Variants in FGF18 observed in about 807,000 individuals in gnomAD.
FGF18 encodes the protein fibroblast growth factor 18.
In FGF18, 5 loss-of-function variants were observed where a neutral mutation model predicts 23.0. That is an observed-to-expected ratio of 0.22 (90% CI 0.11 to 0.46). FGF18 has a LOEUF of 0.46. Among genes scored for constraint, FGF18 ranks in the 20% least tolerant of loss-of-function variants. FGF18 has a pLI of 0.99. For missense variants in FGF18, 180 were observed against 291.6 expected, an observed-to-expected ratio of 0.62 and a Z score of 2.79; for synonymous variants, 117 against 118.9, an observed-to-expected ratio of 0.98 and a Z score of 0.10.
At position 171,434,759 on chromosome 5, in the gene FGF18, G is replaced by A. The variant is rs1404561416; in HGVS notation, c.70-1334G>A. Among the ~76,000 whole-genome samples, 1 of 151,636 alleles carries A rather than the reference G, an allele frequency of 6.6e-6. No homozygotes were observed. The highest frequency in any genetic ancestry group is 1.5e-5 in the Non-Finnish European group (1 of 67,988). On this transcript the variant is annotated intron_variant, in intron 2 of 4. Transcript: ENST00000274625. The surrounding 1 kb of genome is among the most constrained non-coding windows in gnomAD (Gnocchi z 4.6). The stretch of plus-strand genomic sequence containing the variant: ...AGCGTTTGAGTTTCTACCGTGTTAG[G>A]TGCTGCGGATATAGTGGCAAATGAG...
rs186131502 is a variant in FGF18, at chr5:171,437,165, C to T, written c.250+892C>T. ...AGCCTTGGGCCTGGGGATCTGGGGC[C>T]GTGGTCCTGTGTGTGGGGCCAAACC... On this transcript the variant is annotated intron_variant, in intron 3 of 4. Coordinates refer to ENST00000274625, the MANE Select transcript of FGF18 (RefSeq NM_003862.3). Among the ~76,000 whole-genome samples, 668 of 152,326 alleles carry T rather than the reference C, an allele frequency of 4.4e-3. 5 individuals are homozygous for T. Among genetic ancestry groups the T allele is most frequent in the Admixed American group, 7.2e-3 (110 of 15,300 alleles).
chr5:171,456,359 A>C lies in FGF18; in HGVS notation c.358-180A>C, dbSNP rs1341383737. 6.6e-6 allele frequency among the ~76,000 whole-genome samples: 1 copy of C among 150,960 alleles called. No homozygotes were observed. The highest frequency in any genetic ancestry group is 6.6e-5 in the Admixed American group (1 of 15,142). ...TTTCCACTCTGCTCCTTGGCTATAAACCCCCACCTGCCTGTGCCATATTCA... is the reference window on the plus strand; with the variant it reads ...TTTCCACTCTGCTCCTTGGCTATAACCCCCCACCTGCCTGTGCCATATTCA... On this transcript the variant is annotated intron_variant, in intron 4 of 4. Transcript: ENST00000274625. The surrounding 1 kb of genome is among the most constrained non-coding windows in gnomAD (Gnocchi z 6.1).
chr5:171,443,898 C>A (rs1451775346), intron 3 of FGF18, among the ~76,000 whole-genome samples: 1 of 151,944 alleles, frequency 6.6e-6, no homozygotes, highest in Admixed American at 6.6e-5. Flanking sequence ...GGGAGACAGG[C>A]TCTGTGGGCC....
intron 3 of FGF18, among the ~76,000 whole-genome samples, chr5:171,443,500 C>CTTTTTTTTTT (rs766926286): frequency 0.023 from 1,627 of 70,114 alleles, 358 homozygotes; most frequent in Admixed American, 0.027. Flanking sequence ...CTGTTATCAT[C>CTTTTTTTTTT]ATTTTTTTTT....
intron 2 of FGF18, among the ~76,000 whole-genome samples, chr5:171,423,424 T>C (rs887476958): frequency 4.6e-5 from 7 of 152,348 alleles, no homozygotes; most frequent in African/African-American, 1.7e-4. Flanking sequence ...GGCCGGCACC[T>C]GCCTGACATT....
In FGF18 at chr5:171,445,903, G is replaced by C. The variant is rs149289505; in HGVS notation, c.251-3244G>C. Among the ~76,000 whole-genome samples, 895 of 152,264 alleles carry C rather than the reference G, an allele frequency of 5.9e-3. 9 individuals are homozygous for C. Among genetic ancestry groups the C allele is most frequent in the African/African-American group, 0.021 (859 of 41,544 alleles). ...AGCCCGGATGAGGTTTCCAGCTCTT[G>C]AGAGCAGCATCCTGGGGGCTTGGGT... On this transcript the variant is annotated intron_variant, in intron 3 of 4. Transcript: ENST00000274625.
At chr5:171,420,985 G>A (rs1771996707) in intron 2 of FGF18, among the ~76,000 whole-genome samples, 1 of 152,336 alleles carries the variant, frequency 6.6e-6, no homozygotes, top group South Asian at 2.1e-4. Context: ...TAGGCCGAGT[G>A]GCCGCTGCCC....
rs1402168655 is a variant in FGF18 at position 171,456,364 on chromosome 5, C to T, written c.358-175C>T. On this transcript the variant is annotated intron_variant, in intron 4 of 4. Coordinates refer to ENST00000274625, the MANE Select transcript of FGF18 (RefSeq NM_003862.3). This position sits in a 1 kb window ranked among gnomAD's most constrained non-coding sequence, Gnocchi z 6.1. ...ACTCTGCTCCTTGGCTATAAACCCC[C>T]ACCTGCCTGTGCCATATTCAGAGTT... is the stretch of plus-strand genomic sequence containing the variant. 2.0e-5 allele frequency among the ~76,000 whole-genome samples: 3 copies of T among 152,192 alleles called. No individual in the cohort carries two copies. The highest frequency in any genetic ancestry group is 7.2e-5 in the African/African-American group (3 of 41,448).
Position 171,451,137 on chromosome 5 carries a change from C to T in FGF18, c.357+1884C>T, listed in dbSNP as rs1581280104. Among the ~76,000 whole-genome samples, 2 of 151,438 alleles carry T rather than the reference C, an allele frequency of 1.3e-5. No homozygotes were observed. Among genetic ancestry groups the T allele is most frequent in the Non-Finnish European group, 3.0e-5 (2 of 67,790 alleles). On this transcript the variant is annotated intron_variant, in intron 4 of 4. Transcript: ENST00000274625. This position sits in a 1 kb window ranked among gnomAD's most constrained non-coding sequence, Gnocchi z 4.5. Reference sequence around the variant, plus strand: ...CACAGGAGCCGGCTCCGATTTCCTGCCCCCTCGCCCTCTCTCCCGTCATTA... The same window carrying T: ...CACAGGAGCCGGCTCCGATTTCCTGTCCCCTCGCCCTCTCTCCCGTCATTA...
intron 3 of FGF18, among the ~76,000 whole-genome samples, chr5:171,443,143 T>TTTC (rs1224482753): frequency 1.3e-5 from 2 of 152,120 alleles, no homozygotes; most frequent in Non-Finnish European, 2.9e-5. Flanking sequence ...CACTTTTTTT[T>TTTC]TTTTTAGATG....
chr5:171,452,532 C>A (rs1772532165), intron 4 of FGF18, among the ~76,000 whole-genome samples: 1 of 152,172 alleles, frequency 6.6e-6, no homozygotes, highest in South Asian at 2.1e-4. Context: ...GGCGGCCCCC[C>A]TTCTCCTTGC....
chr5:171,428,584 C>T (rs751166146), intron 2 of FGF18, among the ~76,000 whole-genome samples: 73 of 152,334 alleles, frequency 4.8e-4, no homozygotes, highest in Middle Eastern at 3.4e-3. Context: ...GCATATGGAA[C>T]GGTGCTACTG....
intron 2 of FGF18, among the ~76,000 whole-genome samples, chr5:171,428,860 G>A (rs1772136911): frequency 6.6e-6 from 1 of 152,210 alleles, no homozygotes; most frequent in African/African-American, 2.4e-5. Flanking sequence ...TTGGCTGCCT[G>A]CAGCAGCGGT....
intron 3 of FGF18, among the ~76,000 whole-genome samples, chr5:171,448,460 G>A (rs1772449754): frequency 6.6e-6 from 1 of 152,212 alleles, no homozygotes; most frequent in African/African-American, 2.4e-5. Flanking sequence ...CTGCAGGAAG[G>A]GGCCACAGAC....
At chr5:171,450,053 C>A (rs1472455888) in intron 4 of FGF18, among the ~76,000 whole-genome samples, 1 of 151,256 alleles carries the variant, frequency 6.6e-6, no homozygotes, top group Non-Finnish European at 1.5e-5. Context: ...CAGGGACTGA[C>A]TCCCATATGC....
intron 3 of FGF18, among the ~76,000 whole-genome samples, chr5:171,437,324 G>A (rs1350067653): frequency 3.9e-5 from 6 of 152,166 alleles, no homozygotes; most frequent in East Asian, 1.9e-4. Context: ...CCTCAGCCCC[G>A]GGGCAGGACT....
At position 171,451,492 on chromosome 5, in the gene FGF18, G is replaced by C. The variant is rs974704719; in HGVS notation, c.357+2239G>C. On this transcript the variant is annotated intron_variant, in intron 4 of 4. Transcript: ENST00000274625. This position sits in a 1 kb window ranked among gnomAD's most constrained non-coding sequence, Gnocchi z 4.5. ...CCCTCCTGCCCTAACCCCTGCCACC[G>C]CCTCTGTTCTGGCCTCCTACCATCC... Among the ~76,000 whole-genome samples the C allele has an allele frequency of 6.6e-6, 1 of 152,144 alleles. No individual in the cohort carries two copies. The highest frequency in any genetic ancestry group is 1.9e-4 in the East Asian group (1 of 5,178).
intron 4 of FGF18, among the ~76,000 whole-genome samples, chr5:171,453,961 G>A (rs1251289555): frequency 1.3e-5 from 2 of 152,028 alleles, no homozygotes; most frequent in South Asian, 2.1e-4. Flanking sequence ...CCAAATGCTC[G>A]GGGCACCCCT....
chr5:171,447,999 A>G (rs1035510032), intron 3 of FGF18, among the ~76,000 whole-genome samples: 7 of 152,088 alleles, frequency 4.6e-5, no homozygotes, highest in Non-Finnish European at 8.8e-5. Context: ...GAGGAGAGAG[A>G]GCTAAGAGAG....
Sources: gnomAD v4.1 joint callset for allele counts (sites outside exome capture counted in the v4.1 genomes callset) on GRCh38, gnomAD v4.1.1 for gene constraint, Gnocchi (gnomAD v3.1) non-coding constraint, MANE v1.5 for transcripts, NCBI Gene and HGNC (gene_info 2026-07-23, HGNC 2026-07-21) for gene names.